The following KIAA1217 variants were observed in gnomAD, a reference collection of about 807,000 sequenced individuals.
The protein encoded by KIAA1217 is KIAA1217.
In KIAA1217, 88 loss-of-function variants were observed where a neutral mutation model predicts 163.9. The ratio of observed to expected loss-of-function variants is 0.54; its 90% CI spans 0.45 to 0.64. KIAA1217 has a LOEUF of 0.64. Among genes scored for constraint, KIAA1217 ranks in the 30% least tolerant of loss-of-function variants. The probability of loss-of-function intolerance (pLI) is 0.00; values close to 1 mark genes in which losing one functional copy is unlikely to be tolerated. For missense variants in KIAA1217, 2,372 were observed against 2,475.0 expected (o/e 0.96, Z 0.88); for synonymous variants, 903 against 923.1 (o/e 0.98, Z 0.39).
upstream of KIAA1217, chr10:24,209,102 C>T: frequency 4.6e-6 from 5 of 1,095,102 alleles, no homozygotes; most frequent in South Asian, 5.1e-5. Context: ...CCTCCCCAGC[C>T]CCGGGCCCCC....
At chr10:24,463,573 G>A (rs138400090) in intron 5 of KIAA1217, among the ~76,000 whole-genome samples, 8 of 152,256 alleles carry the variant, frequency 5.3e-5, no homozygotes, top group South Asian at 2.1e-4. Context: ...TTTTTTCAAC[G>A]TAATAATCCC....
intron 2 of KIAA1217, among the ~76,000 whole-genome samples, chr10:24,114,367 C>CA (rs796806505): frequency 0.015 from 2,284 of 148,464 alleles, 58 homozygotes; most frequent in African/African-American, 0.052. Context: ...GAAACAATTC[C>CA]AAAAAAAAAA....
intron 1 of KIAA1217, among the ~76,000 whole-genome samples, chr10:23,925,450 C>T (rs1178783057): frequency 6.6e-6 from 1 of 152,214 alleles, no homozygotes; most frequent in East Asian, 1.9e-4. Context: ...GCCTTCTGCC[C>T]TCAACCCACC....
intron 2 of KIAA1217, among the ~76,000 whole-genome samples, chr10:24,183,317 G>T (rs1404059064): frequency 6.6e-6 from 1 of 152,126 alleles, no homozygotes; most frequent in Non-Finnish European, 1.5e-5. Context: ...ACATTTCATA[G>T]AACTATTCAG....
At chr10:23,731,371 A>C (rs1454083801) in intron 1 of KIAA1217, among the ~76,000 whole-genome samples, 1 of 152,230 alleles carries the variant, frequency 6.6e-6, no homozygotes, top group African/African-American at 2.4e-5. Flanking sequence ...CATAATCTGA[A>C]GGTGGACTTT....
At chr10:24,269,823 G>C (rs1211990741) in intron 2 of KIAA1217, among the ~76,000 whole-genome samples, 2 of 152,186 alleles carry the variant, frequency 1.3e-5, no homozygotes, top group Non-Finnish European at 2.9e-5. Context: ...GTAGCAGAGT[G>C]TCAAGAACTC....
At position 24,533,175 on chromosome 10, in the gene KIAA1217, T is replaced by G. The variant is rs201090723; in HGVS notation, c.3352T>G (p.Ser1118Ala). The change falls in exon 16 of 21, where the codon TCC becomes GCC. Residue 1118 changes from serine to alanine, a missense_variant. By Grantham distance (99) the Ser-to-Ala change is moderately conservative. Coordinates refer to ENST00000376454, the MANE Select transcript of KIAA1217 (RefSeq NM_019590.5). ...WTPSPPPVTTSSSKDEEEEEE... is the reference protein window; with the variant it reads ...WTPSPPPVTTASSKDEEEEEE... Reference sequence around the variant, plus strand: ...CCCATCCCCACCGCCTGTCACCACCTCCTCCTCAAAGGATGAGGAGGAAGA... The same window carrying G: ...CCCATCCCCACCGCCTGTCACCACCGCCTCCTCAAAGGATGAGGAGGAAGA... The G allele has an allele frequency of 2.9e-4, 467 of 1,613,206 alleles. No individual in the cohort carries two copies. The highest frequency in any genetic ancestry group is 3.7e-4 in the Non-Finnish European group (442 of 1,179,776).
Position 24,473,730 on chromosome 10 carries a change from T to C in KIAA1217, c.1349T>C (p.Leu450Pro), listed in dbSNP as rs2063751809. 1 of 1,614,026 alleles carries C rather than the reference T, an allele frequency of 6.2e-7. No homozygotes were observed. Among genetic ancestry groups the C allele is most frequent in the Non-Finnish European group, 8.5e-7 (1 of 1,180,014 alleles). The change falls in exon 6 of 21, where the codon CTG becomes CCG. Residue 450 changes from leucine to proline, a missense_variant. This residue lies in a region of KIAA1217 where 1,431 missense variants were observed against 1,470.3 expected (regional missense o/e 0.97). Transcript: ENST00000376454. ...MQAEMHMEQS[L>P]YRQKSRKYPD... Reference sequence around the variant, plus strand: ...GCGGAAATGCATATGGAACAATCACTGTACAGACAGAAATCAAGGAAATAT... The same window carrying C: ...GCGGAAATGCATATGGAACAATCACCGTACAGACAGAAATCAAGGAAATAT...
intron 3 of KIAA1217, among the ~76,000 whole-genome samples, chr10:24,420,191 C>T (rs1250960176): frequency 6.6e-6 from 1 of 152,138 alleles, no homozygotes; most frequent in African/African-American, 2.4e-5. Flanking sequence ...TGTATTTTCC[C>T]ACATCCTCAC....
intron 1 of KIAA1217, among the ~76,000 whole-genome samples, chr10:24,005,966 A>G (rs1846977261): frequency 6.6e-6 from 1 of 152,162 alleles, no homozygotes; most frequent in African/African-American, 2.4e-5. Context: ...GTTGGTAAAG[A>G]AACAGCCCAG....
At chr10:23,856,568 G>C (rs1839679226) in intron 1 of KIAA1217, among the ~76,000 whole-genome samples, 1 of 152,258 alleles carries the variant, frequency 6.6e-6, no homozygotes, top group Admixed American at 6.5e-5. Flanking sequence ...TAAGTCTGCA[G>C]AGGTTACTGC....
chr10:24,411,290 G>A (rs1042742124), intron 3 of KIAA1217, among the ~76,000 whole-genome samples: 2 of 152,124 alleles, frequency 1.3e-5, no homozygotes, highest in Non-Finnish European at 2.9e-5. Context: ...TCAAAGAGAA[G>A]TCAGCCTAAC....
At chr10:24,322,088 A>G (rs2044240802) in intron 2 of KIAA1217, among the ~76,000 whole-genome samples, 1 of 152,056 alleles carries the variant, frequency 6.6e-6, no homozygotes, top group Non-Finnish European at 1.5e-5. Context: ...AGCTGGGATC[A>G]CAGGTGCATG....
intron 2 of KIAA1217, among the ~76,000 whole-genome samples, chr10:24,333,361 T>C (rs1430496156): frequency 1.3e-5 from 2 of 152,194 alleles, no homozygotes; most frequent in African/African-American, 4.8e-5. Flanking sequence ...TGATGAATGG[T>C]TGCCTAGAAG....
intron 2 of KIAA1217, among the ~76,000 whole-genome samples, chr10:24,240,726 T>C (rs1051167632): frequency 1.3e-5 from 2 of 152,254 alleles, no homozygotes; most frequent in Non-Finnish European, 2.9e-5. Flanking sequence ...TAAGCATTCA[T>C]GTTCCAAATG....
At chr10:24,064,127 C>G (rs1161143643) in intron 2 of KIAA1217, among the ~76,000 whole-genome samples, 1 of 152,104 alleles carries the variant, frequency 6.6e-6, no homozygotes, top group African/African-American at 2.4e-5. Flanking sequence ...ATTGAATGCC[C>G]TTTATTCCCT....
intron 1 of KIAA1217, among the ~76,000 whole-genome samples, chr10:23,773,215 A>G (rs1386228922): frequency 6.6e-6 from 1 of 152,216 alleles, no homozygotes; most frequent in Non-Finnish European, 1.5e-5. Context: ...TTGTACACTC[A>G]GGGAATCATT....
chr10:23,711,101 G>T (rs763202451), intron 1 of KIAA1217, among the ~76,000 whole-genome samples: 2 of 152,172 alleles, frequency 1.3e-5, no homozygotes, highest in Middle Eastern at 3.2e-3. Context: ...TGAGGCACCA[G>T]ATCTTCTGGG....
At chr10:24,265,895 G>A (rs966767165) in intron 2 of KIAA1217, among the ~76,000 whole-genome samples, 5 of 152,090 alleles carry the variant, frequency 3.3e-5, no homozygotes, top group African/African-American at 4.8e-5. Context: ...AGGAGTCAGC[G>A]AAGTCTGAGT....
Sources: allele counts gnomAD v4.1 joint callset (sites outside exome capture counted in the v4.1 genomes callset), GRCh38; gene constraint gnomAD v4.1.1; regional missense constraint gnomAD v4.1.1; transcripts MANE v1.5; gene names NCBI Gene and HGNC (gene_info 2026-07-23, HGNC 2026-07-21).